Variants in COG5 observed in about 807,000 individuals in gnomAD.
COG5 encodes conserved oligomeric Golgi complex subunit 5.
In COG5, 86 loss-of-function variants were observed where a neutral mutation model predicts 110.4. The observed-to-expected ratio is 0.78, with a 90% CI of 0.65 to 0.93. The LOEUF (loss-of-function observed/expected upper bound fraction) is 0.93, where lower values mean the gene tolerates loss of function less well. Ranked by LOEUF, COG5 falls within the 40% of genes least tolerant of loss-of-function variation. COG5 has a pLI of 0.00. For synonymous variants in COG5, 360 were observed against 334.6 expected, an observed-to-expected ratio of 1.08 and a Z score of -0.83; for missense variants, 1,077 against 987.0, an observed-to-expected ratio of 1.09 and a Z score of -1.22.
chr7:107,357,333 T>C (rs117726155), intron 10 of COG5, among the ~76,000 whole-genome samples: 210 of 152,272 alleles, frequency 1.4e-3, no homozygotes, highest in Non-Finnish European at 2.7e-3. Context: ...GGAAACGTCA[T>C]TTTGGACTTT....
At chr7:107,495,790 G>A (rs1798234537) in intron 6 of COG5, among the ~76,000 whole-genome samples, 1 of 152,012 alleles carries the variant, frequency 6.6e-6, no homozygotes, top group South Asian at 2.1e-4. Flanking sequence ...GCTAAAAAGT[G>A]CACAAACAAA....
chr7:107,302,607 A>G (rs1387875338), intron 11 of COG5, among the ~76,000 whole-genome samples: 1 of 152,174 alleles, frequency 6.6e-6, no homozygotes, highest in East Asian at 1.9e-4. Context: ...TTCCCTGATA[A>G]AGCAGCAATG....
At chr7:107,534,576 C>G (rs1430566117) in intron 5 of COG5, among the ~76,000 whole-genome samples, 1 of 150,822 alleles carries the variant, frequency 6.6e-6, no homozygotes, top group African/African-American at 2.5e-5. Context: ...ACAAAGAAGC[C>G]CATTACATAA....
At chr7:107,289,643 T>C (rs1254993051) in intron 12 of COG5, among the ~76,000 whole-genome samples, 1 of 152,188 alleles carries the variant, frequency 6.6e-6, no homozygotes, top group Non-Finnish European at 1.5e-5. Context: ...GAAGATGAGA[T>C]GCTTTTCTAC....
chr7:107,247,581 C>T (rs1802150110), intron 17 of COG5, among the ~76,000 whole-genome samples: 1 of 152,128 alleles, frequency 6.6e-6, no homozygotes, highest in South Asian at 2.1e-4. Flanking sequence ...TACATATCTA[C>T]ATATTAATAT....
At chr7:107,559,862 A>G (rs1294369137) in intron 1 of COG5, among the ~76,000 whole-genome samples, 1 of 152,276 alleles carries the variant, frequency 6.6e-6, no homozygotes, top group Non-Finnish European at 1.5e-5. Context: ...CAGTGTGTCT[A>G]AATCATAGCA....
At chr7:107,343,487 C>T (rs1420718618) in intron 10 of COG5, among the ~76,000 whole-genome samples, 2 of 152,020 alleles carry the variant, frequency 1.3e-5, no homozygotes, top group Admixed American at 1.3e-4. Context: ...TTGAGACCAG[C>T]CTGGGCAACA....
Position 107,258,348 on chromosome 7 carries a change from C to T in COG5, c.1611G>A (p.Gly537=), listed in dbSNP as rs774240517. 6.2e-7 allele frequency: 1 copy of T among 1,612,660 alleles called. No individual in the cohort carries two copies. Among genetic ancestry groups the T allele is most frequent in the African/African-American group, 1.3e-5 (1 of 74,958 alleles). Residue 537 remains glycine (G), a synonymous_variant, in exon 15 of 22, where the codon GGG becomes GGA. Coordinates refer to ENST00000297135, the MANE Select transcript of COG5 (RefSeq NM_006348.5). ...STQGDASQVI[G]PLTEGQRRNV... ...TTCTTCTCTGTCCTTCAGTAAGAGG[C>T]CCAATCACCTGACTTGCATCTCCTT...
At chr7:107,410,689 G>A (rs999765011) in intron 7 of COG5, among the ~76,000 whole-genome samples, 17 of 152,020 alleles carry the variant, frequency 1.1e-4, no homozygotes, top group Admixed American at 7.2e-4. Flanking sequence ...TGATCTGCCC[G>A]CCTTGGCCTC....
intron 6 of COG5, among the ~76,000 whole-genome samples, chr7:107,492,938 G>C (rs939839240): frequency 2.6e-5 from 4 of 152,128 alleles, no homozygotes; most frequent in African/African-American, 9.7e-5. Context: ...CAGAGAACAT[G>C]TCATGATCTG....
chr7:107,283,610 G>A lies in COG5; in HGVS notation c.1436C>T (p.Ser479Phe). ...AATAATACCATCAAGTTCATCAGAG[G>A]AAGGAGGATTACGACCACCCGGGGG... is the stretch of plus-strand genomic sequence containing the variant. ...VFPPGGRNPP[S>F]SDELDGIIKT... The change falls in exon 13 of 22, where the codon TCC (serine) becomes TTC (phenylalanine). Residue 479 changes from serine to phenylalanine, a missense_variant. Coordinates refer to ENST00000297135, the MANE Select transcript of COG5 (RefSeq NM_006348.5). 1 of 1,614,016 alleles carries A rather than the reference G, an allele frequency of 6.2e-7. No individual in the cohort carries two copies. The highest frequency in any genetic ancestry group is 1.1e-5 in the South Asian group (1 of 91,082).
chr7:107,475,428 T>C (rs953642745), intron 6 of COG5: 1 of 726,468 alleles, frequency 1.4e-6, no homozygotes, highest in African/African-American at 1.8e-5. Context: ...TAAAAACTGA[T>C]ATTACTGCCA....
chr7:107,291,322 C>G (rs1806152659), intron 12 of COG5, among the ~76,000 whole-genome samples: 1 of 152,000 alleles, frequency 6.6e-6, no homozygotes, highest in East Asian at 1.9e-4. Flanking sequence ...TTTTCTCTGC[C>G]AGGTCAAAGC....
intron 8 of COG5, among the ~76,000 whole-genome samples, chr7:107,364,345 A>G (rs944451956): frequency 1.3e-5 from 2 of 152,210 alleles, no homozygotes; most frequent in Non-Finnish European, 1.5e-5. Flanking sequence ...CCAACAGAAA[A>G]GCATGATCCC....
At chr7:107,422,746 A>C (rs1386495494) in intron 6 of COG5, among the ~76,000 whole-genome samples, 1 of 145,948 alleles carries the variant, frequency 6.9e-6, no homozygotes, top group Non-Finnish European at 1.5e-5. Context: ...CTGTGTGTGG[A>C]TGTATCTTTA....
At chr7:107,296,664 C>A (rs979264934) in intron 12 of COG5, among the ~76,000 whole-genome samples, 51 of 150,624 alleles carry the variant, frequency 3.4e-4, no homozygotes, top group African/African-American at 1.2e-3. Flanking sequence ...GCTCAAGAGA[C>A]CTTCCCCAGT....
At chr7:107,543,537 C>G (rs1241454707) in intron 5 of COG5, among the ~76,000 whole-genome samples, 1 of 152,150 alleles carries the variant, frequency 6.6e-6, no homozygotes, top group Non-Finnish European at 1.5e-5. Context: ...AGGCTAATCC[C>G]AACTCAGGCT....
intron 6 of COG5, among the ~76,000 whole-genome samples, chr7:107,441,571 CCT>C (rs1206128706): frequency 2.0e-5 from 3 of 152,134 alleles, no homozygotes; most frequent in East Asian, 3.8e-4. Context: ...AGATTATTCC[CCT>C]GACTCCAAGT....
intron 6 of COG5, among the ~76,000 whole-genome samples, chr7:107,518,174 G>C (rs1800072845): frequency 6.6e-6 from 1 of 152,112 alleles, no homozygotes; most frequent in Non-Finnish European, 1.5e-5. Context: ...AATATGGAAA[G>C]GAAAAACCAG....
Sources: gnomAD v4.1 joint callset for allele counts (sites outside exome capture counted in the v4.1 genomes callset) on GRCh38, gnomAD v4.1.1 for gene constraint, MANE v1.5 for transcripts, NCBI Gene and HGNC (gene_info 2026-07-23, HGNC 2026-07-21) for gene names.